Variants in CHLSN observed in about 807,000 individuals in gnomAD.
CHLSN encodes the protein protein cholesin.
At chr7:1,095,095 C>T in the CHLSN span, among the ~76,000 whole-genome samples, 5 of 151,558 alleles carry the variant, frequency 3.3e-5, no homozygotes, top group South Asian at 2.1e-4. Context: ...TCAGGCCCGG[C>T]GCACCCCTCC....
At chr7:1,136,277 AATATAT>A in the CHLSN span, among the ~76,000 whole-genome samples, 1 of 113,922 alleles carries the variant, frequency 8.8e-6, no homozygotes, top group Non-Finnish European at 1.6e-5. Context: ...AAATATATAA[AATATAT>A]ATAAATATAT....
At chr7:1,036,421 G>A in the CHLSN span, among the ~76,000 whole-genome samples, 45 of 150,384 alleles carry the variant, frequency 3.0e-4, no homozygotes, top group Non-Finnish European at 5.2e-4. Context: ...TCGGGTGCTC[G>A]TGGTGTGGCC....
chr7:1,034,979 CTT>C, the CHLSN span, among the ~76,000 whole-genome samples: 1 of 152,372 alleles, frequency 6.6e-6, no homozygotes, highest in African/African-American at 2.4e-5. Context: ...TGATCTCACT[CTT>C]TTTAATGGCT....
At chr7:1,002,211 GT>G in the CHLSN span, among the ~76,000 whole-genome samples, 2 of 71,084 alleles carry the variant, frequency 2.8e-5, no homozygotes, top group Admixed American at 1.3e-4. Flanking sequence ...CTGTGGGTGA[GT>G]GGAGTCCTGC....
chr7:1,061,994 A>G, the CHLSN span, among the ~76,000 whole-genome samples: 1 of 152,220 alleles, frequency 6.6e-6, no homozygotes. Context: ...TCTTCCAGGC[A>G]GCCGTCTGCC....
At chr7:1,073,681 GC>G in the CHLSN span, among the ~76,000 whole-genome samples, 4 of 131,548 alleles carry the variant, frequency 3.0e-5, no homozygotes, top group Non-Finnish European at 6.7e-5. Flanking sequence ...CCGCCGTGAC[GC>G]CCCCCACGAC....
At chr7:1,108,253 TGTGTCCCGCACTGGAGTCCC>T in the CHLSN span, among the ~76,000 whole-genome samples, 1 of 132,164 alleles carries the variant, frequency 7.6e-6, no homozygotes, top group East Asian at 2.4e-4. Flanking sequence ...AGAGGAGGGC[TGTGTCCCGCACTGGAGTCCC>T]GCACCCCGGG....
chr7:1,101,707 G>A, the CHLSN span, among the ~76,000 whole-genome samples: 2 of 152,238 alleles, frequency 1.3e-5, no homozygotes, highest in South Asian at 2.1e-4. Flanking sequence ...ACTCAGCACG[G>A]CCACGGCAGC....
At chr7:1,120,255 C>G in the CHLSN span, among the ~76,000 whole-genome samples, 50 of 152,250 alleles carry the variant, frequency 3.3e-4, no homozygotes, top group African/African-American at 1.2e-3. Flanking sequence ...CACGTGTCGA[C>G]CAGTGTGTGG....
At chr7:1,024,077 C>A in the CHLSN span, among the ~76,000 whole-genome samples, 4 of 152,192 alleles carry the variant, frequency 2.6e-5, no homozygotes, top group Non-Finnish European at 5.9e-5. Flanking sequence ...ATCCTCCTTG[C>A]CGGCCTCCCA....
chr7:1,138,251 T>G, the CHLSN span: 1 of 152,202 alleles, frequency 6.6e-6, no homozygotes, highest in Non-Finnish European at 1.5e-5. Context: ...GGACGCCGCC[T>G]TCCGGCAGGG....
the CHLSN span, among the ~76,000 whole-genome samples, chr7:1,110,071 C>A: frequency 6.6e-6 from 1 of 152,014 alleles, no homozygotes; most frequent in Admixed American, 6.5e-5. Context: ...GGAGGCTACG[C>A]AAATCTGCCC....
the CHLSN span, among the ~76,000 whole-genome samples, chr7:1,048,352 C>T: frequency 6.6e-6 from 1 of 152,140 alleles, no homozygotes; most frequent in Non-Finnish European, 1.5e-5. Context: ...GAAACTAATT[C>T]AGCCACCTTG....
the CHLSN span, among the ~76,000 whole-genome samples, chr7:1,016,964 A>G: frequency 0.03 from 3,661 of 122,662 alleles, 357 homozygotes; most frequent in African/African-American, 0.11. Context: ...GCACAGCAGC[A>G]CACGCCAGCA....
the CHLSN span, among the ~76,000 whole-genome samples, chr7:1,096,009 C>G: frequency 6.6e-6 from 1 of 152,186 alleles, no homozygotes; most frequent in Non-Finnish European, 1.5e-5. This position sits in a 1 kb window ranked among gnomAD's most constrained non-coding sequence, Gnocchi z 4.6. Context: ...CTGAACAGAG[C>G]CCCAGGCATC....
the CHLSN span, among the ~76,000 whole-genome samples, chr7:1,124,298 C>T: frequency 6.6e-6 from 1 of 151,830 alleles, no homozygotes; most frequent in Non-Finnish European, 1.5e-5. Flanking sequence ...TGCCAGTGAC[C>T]AGCGGCCTGT....
At chr7:1,132,780 T>C in the CHLSN span, among the ~76,000 whole-genome samples, 1 of 146,752 alleles carries the variant, frequency 6.8e-6, no homozygotes, top group African/African-American at 2.6e-5. Flanking sequence ...CACTAGTAAC[T>C]AGAATATATA....
the CHLSN span, among the ~76,000 whole-genome samples, chr7:993,875 G>A: frequency 2.0e-4 from 30 of 152,104 alleles, no homozygotes; most frequent in Admixed American, 1.4e-3. Flanking sequence ...GTGAGCAGAC[G>A]GCACTTGGTG....
chr7:1,073,059 C>T, the CHLSN span, among the ~76,000 whole-genome samples: 2 of 152,146 alleles, frequency 1.3e-5, no homozygotes, highest in Non-Finnish European at 2.9e-5. Context: ...GTTGTTACAA[C>T]GTTCCCTTAC....
Sources: allele counts gnomAD v4.1 joint callset (sites outside exome capture counted in the v4.1 genomes callset), GRCh38; gene constraint gnomAD v4.1.1; non-coding constraint Gnocchi (gnomAD v3.1); transcripts MANE v1.5; gene names NCBI Gene and HGNC (gene_info 2026-07-23, HGNC 2026-07-21).